CTNNA2: variants seen among roughly 807,000 people sequenced by gnomAD.
CTNNA2 encodes catenin alpha-2.
CTNNA2 carries 42 observed loss-of-function variants against 101.0 expected under a neutral mutation model. That is an observed-to-expected ratio of 0.42 (90% CI 0.32 to 0.54). The LOEUF (loss-of-function observed/expected upper bound fraction) is 0.54, where lower values mean the gene tolerates loss of function less well. Ranked by LOEUF, CTNNA2 falls within the 20% of genes least tolerant of loss-of-function variation. The pLI is 0.14. For synonymous variants in CTNNA2, 450 were observed against 456.4 expected (o/e 0.99, Z 0.18); for missense variants, 871 against 1,223.1 (o/e 0.71, Z 4.29).
At position 80,519,993 on chromosome 2, in the gene CTNNA2, G is replaced by A. The variant is rs575082322; in HGVS notation, c.1291-24989G>A. The stretch of plus-strand genomic sequence containing the variant: ...CATTGTCCTTCATCTTTCTAAGATG[G>A]GGTCACATCATTGATCCACTGTTGC... On this transcript the variant is annotated intron_variant, in intron 9 of 18. Coordinates refer to ENST00000402739, the MANE Select transcript of CTNNA2 (RefSeq NM_001282597.3). Among the ~76,000 whole-genome samples the A allele has an allele frequency of 5.9e-5, 9 of 152,156 alleles. No homozygotes were observed. In the South Asian group the frequency reaches 1.7e-3, roughly 28 times the overall value.
At chr2:80,162,508 A>G in intron 7 of CTNNA2, 3 of 1,603,220 alleles carry the variant, frequency 1.9e-6, no homozygotes, top group East Asian at 2.2e-5. Context: ...TATCATAGTC[A>G]TGGCTCCAGC....
chr2:80,469,009 G>A (rs1685079567), intron 9 of CTNNA2, among the ~76,000 whole-genome samples: 1 of 152,142 alleles, frequency 6.6e-6, no homozygotes, highest in African/African-American at 2.4e-5. Flanking sequence ...CAGGTGTCAG[G>A]AGGCAGGACG....
At chr2:80,557,092 T>C (rs1400179450) in intron 12 of CTNNA2, among the ~76,000 whole-genome samples, 1 of 152,204 alleles carries the variant, frequency 6.6e-6, no homozygotes, top group Non-Finnish European at 1.5e-5. Flanking sequence ...GGTCATTCTC[T>C]TTAAAATATA....
At chr2:80,500,274 T>C (rs1318676806) in intron 9 of CTNNA2, among the ~76,000 whole-genome samples, 2 of 152,168 alleles carry the variant, frequency 1.3e-5, no homozygotes, top group African/African-American at 4.8e-5. Flanking sequence ...TTTTGTTTTG[T>C]TCTCAAAACT....
chr2:79,417,001 G>T (rs1011881766), intron 4 of CTNNA2, among the ~76,000 whole-genome samples: 1 of 152,038 alleles, frequency 6.6e-6, no homozygotes, highest in Non-Finnish European at 1.5e-5. Flanking sequence ...GATGCCACAG[G>T]TATGGAACTC....
intron 2 of CTNNA2, among the ~76,000 whole-genome samples, chr2:79,277,443 G>T (rs1379174097): frequency 6.6e-6 from 1 of 151,984 alleles, no homozygotes; most frequent in African/African-American, 2.4e-5. Flanking sequence ...TATGGCAGGA[G>T]GTCAGGATGC....
chr2:80,628,566 C>T (rs9677288), intron 18 of CTNNA2, among the ~76,000 whole-genome samples: 9,508 of 150,772 alleles, frequency 0.063, 317 homozygotes, highest in African/African-American at 0.1. Flanking sequence ...TTACACCTTA[C>T]ACAAAACCTA....
chr2:79,420,991 A>T (rs1178475445), intron 4 of CTNNA2, among the ~76,000 whole-genome samples: 1 of 152,124 alleles, frequency 6.6e-6, no homozygotes, highest in Admixed American at 6.5e-5. Flanking sequence ...TTTTGAGCTG[A>T]TGCATGGAAA....
At chr2:80,413,401 G>A (rs146976237) in intron 8 of CTNNA2, among the ~76,000 whole-genome samples, 147 of 152,224 alleles carry the variant, frequency 9.7e-4, no homozygotes, top group African/African-American at 3.2e-3. Flanking sequence ...CGTGTTTCTC[G>A]TATAAGGAAA....
At chr2:80,224,158 A>G (rs1442138430) in intron 7 of CTNNA2, among the ~76,000 whole-genome samples, 1 of 152,156 alleles carries the variant, frequency 6.6e-6, no homozygotes, top group Non-Finnish European at 1.5e-5. Context: ...CATATCATAA[A>G]GAATACAGAA....
intron 1 of CTNNA2, among the ~76,000 whole-genome samples, chr2:79,580,696 A>G (rs1419772285): frequency 6.6e-6 from 1 of 152,250 alleles, no homozygotes; most frequent in Non-Finnish European, 1.5e-5. Context: ...AAGGAGAAAT[A>G]TAAGGAAATG....
At chr2:80,159,410 G>T (rs1704175962) in intron 7 of CTNNA2, among the ~76,000 whole-genome samples, 1 of 152,102 alleles carries the variant, frequency 6.6e-6, no homozygotes, top group East Asian at 1.9e-4. Flanking sequence ...CCAGCATTTG[G>T]TGTTTTCACA....
At chr2:79,552,967 C>T (rs1674206897) in intron 1 of CTNNA2, among the ~76,000 whole-genome samples, 2 of 152,342 alleles carry the variant, frequency 1.3e-5, no homozygotes, top group Admixed American at 6.5e-5. Context: ...TTTGGCTCCT[C>T]TTTACAAATG....
At chr2:79,377,258 A>G (rs994632166) in intron 4 of CTNNA2, among the ~76,000 whole-genome samples, 2 of 152,176 alleles carry the variant, frequency 1.3e-5, no homozygotes, top group African/African-American at 2.4e-5. Context: ...GCTGATCTTC[A>G]TACAAGGATA....
At chr2:80,451,527 T>A (rs181781016) in intron 9 of CTNNA2, among the ~76,000 whole-genome samples, 3 of 152,278 alleles carry the variant, frequency 2.0e-5, no homozygotes, top group Non-Finnish European at 4.4e-5. Flanking sequence ...CACTGACCCC[T>A]GGCCTCATGT....
At chr2:80,131,653 G>C (rs962106793) in intron 7 of CTNNA2, among the ~76,000 whole-genome samples, 2 of 152,062 alleles carry the variant, frequency 1.3e-5, no homozygotes, top group Non-Finnish European at 2.9e-5. Context: ...AGATTCCATG[G>C]CTCTGATTTT....
intron 3 of CTNNA2, among the ~76,000 whole-genome samples, chr2:79,346,691 G>A (rs1274998922): frequency 4.6e-5 from 7 of 152,140 alleles, no homozygotes; most frequent in Admixed American, 1.3e-4. Flanking sequence ...AATAGTGGAA[G>A]CTATTTATTC....
intron 1 of CTNNA2, among the ~76,000 whole-genome samples, chr2:79,194,818 A>G (rs10496216): frequency 0.065 from 9,916 of 152,312 alleles, 381 homozygotes; most frequent in East Asian, 0.14. Context: ...TAAAAGCACA[A>G]TCATTTCAGA....
At chr2:79,339,484 G>A (rs113930514) in intron 3 of CTNNA2, 125 of 152,266 alleles carry the variant, frequency 8.2e-4, no homozygotes, top group African/African-American at 2.6e-3. Flanking sequence ...AAGTCAAAGT[G>A]AATTCTTAAA....
Sources: gnomAD v4.1 joint callset for allele counts (sites outside exome capture counted in the v4.1 genomes callset) on GRCh38, gnomAD v4.1.1 for gene constraint, MANE v1.5 for transcripts, NCBI Gene and HGNC (gene_info 2026-07-23, HGNC 2026-07-21) for gene names.